AKAP8L: variants seen among roughly 807,000 people sequenced by gnomAD.
The protein encoded by AKAP8L is A-kinase anchoring protein 8 like.
In AKAP8L, 34 loss-of-function variants were observed where a neutral mutation model predicts 77.5. That is an observed-to-expected ratio of 0.44 (90% CI 0.33 to 0.58). The LOEUF (loss-of-function observed/expected upper bound fraction) is 0.58, where lower values mean the gene tolerates loss of function less well. Ranked by LOEUF, AKAP8L falls within the 20% of genes least tolerant of loss-of-function variation. The probability of loss-of-function intolerance (pLI) is 0.02; values close to 1 mark genes in which losing one functional copy is unlikely to be tolerated. For synonymous variants in AKAP8L, 342 were observed against 340.7 expected (o/e 1.00, Z -0.04); for missense variants, 806 against 887.6 (o/e 0.91, Z 1.17).
rs190950409 is a variant in AKAP8L, at chr19:15,403,671, T to C, written c.166A>G (p.Thr56Ala). 2.0e-3 allele frequency: 3,220 copies of C among 1,610,860 alleles called. 1 individual carries two copies. Among genetic ancestry groups the C allele is most frequent in the Admixed American group, 2.6e-3 (152 of 59,246 alleles). ...GYGYGYGQDN[T>A]TNYGYGMATS... ...GCCATACCATACCCATAGTTGGTGG[T>C]GTTATCCTGGCCATAGCCATAGCCA... Residue 56 changes from threonine to alanine, a missense_variant, in exon 4 of 14, where the codon ACC becomes GCC. Around this residue, in one of 2 missense-constraint regions of AKAP8L, gnomAD observed 580 missense variants for 694.1 expected, o/e 0.84. Transcript: ENST00000397410. This position sits in a 1 kb window ranked among gnomAD's most constrained non-coding sequence, Gnocchi z 4.3.
chr19:15,413,893 T>C (rs999646243), intron 1 of AKAP8L, among the ~76,000 whole-genome samples: 5 of 152,102 alleles, frequency 3.3e-5, no homozygotes, highest in South Asian at 2.1e-4. Flanking sequence ...GCCCTGGTGC[T>C]TCCCTAGGAA....
chr19:15,410,431 G>T, intron 2 of AKAP8L, 89 bp downstream of exon 2: 1 of 1,136,466 alleles, frequency 8.8e-7, no homozygotes, highest in South Asian at 1.4e-5. Flanking sequence ...AAAAAAGCAT[G>T]ACAGGGTGAC....
chr19:15,405,921 C>CA lies in AKAP8L; in HGVS notation c.89-1880dup, dbSNP rs895060148. Among the ~76,000 whole-genome samples the CA allele has an allele frequency of 4.8e-3, 634 of 133,194 alleles. 6 individuals carry two copies. The highest frequency in any genetic ancestry group is 0.015 in the African/African-American group (551 of 36,122). 87.4% of individuals were successfully genotyped at this position (133,194 alleles called of 152,430 possible). ...TAGGCGACCGAGCGAGACTCTGTCT[C>CA]AAAAAAAAAAAGAAAGAAAAGAAAA... On this transcript the variant is annotated intron_variant, in intron 2 of 13. Coordinates refer to ENST00000397410, the MANE Select transcript of AKAP8L (RefSeq NM_014371.4).
At chr19:15,406,373 G>GAGAC (rs1242899512) in intron 2 of AKAP8L, among the ~76,000 whole-genome samples, 1 of 144,248 alleles carries the variant, frequency 6.9e-6, no homozygotes, top group Non-Finnish European at 1.5e-5. Flanking sequence ...GAGAGAGAGA[G>GAGAC]AGAGAGAGAG....
At chr19:15,400,455 T>C in intron 7 of AKAP8L, 97 bp from the exon 8 acceptor site, 1 of 1,253,418 alleles carries the variant, frequency 8.0e-7, no homozygotes, top group South Asian at 1.3e-5. Context: ...GTAAAACAGC[T>C]GCTTGCTCCA....
At chr19:15,395,175 A>G (rs919916208) in intron 12 of AKAP8L, among the ~76,000 whole-genome samples, 1 of 151,034 alleles carries the variant, frequency 6.6e-6, no homozygotes, top group African/African-American at 2.4e-5. Flanking sequence ...GACTACATGC[A>G]CCTGCCACCA....
Position 15,401,788 on chromosome 19 carries a change from A to C in AKAP8L, c.363-185T>G, listed in dbSNP as rs1019844640. ...GCTGATATAGGGGCACCACTGCCCC[A>C]AACTTGAATGTAGCCACACACTGGC... On this transcript the variant is annotated intron_variant, in intron 4 of 13. Transcript: ENST00000397410. The surrounding 1 kb of genome is among the most constrained non-coding windows in gnomAD (Gnocchi z 6.2). 2.0e-5 allele frequency among the ~76,000 whole-genome samples: 3 copies of C among 152,232 alleles called. No homozygotes were observed. Among genetic ancestry groups the C allele is most frequent in the African/African-American group, 7.2e-5 (3 of 41,464 alleles).
In AKAP8L at chr19:15,380,418, A is replaced by C. The variant is rs1391516119; in HGVS notation, c.1645T>G (p.Phe549Val). The part of the protein sequence containing the change: ...LERYLKGENP[F>V]TDSPEEEKEQ... ...TTCTCCTCCTCGGGGCTGTCGGTGA[A>C]AGGGTTCTCGCCCTGTGGGGAGGGG... Residue 549 changes from phenylalanine (F) to valine (V), a missense_variant, in exon 14 of 14, where the codon TTC becomes GTC. Phe to Val is a conservative substitution (Grantham distance 50). Coordinates refer to ENST00000397410, the MANE Select transcript of AKAP8L (RefSeq NM_014371.4). The C allele has an allele frequency of 1.3e-5, 21 of 1,602,670 alleles. No homozygotes were observed. Among genetic ancestry groups the C allele is most frequent in the Non-Finnish European group, 1.7e-5 (20 of 1,175,578 alleles).
intron 13 of AKAP8L, 31 bp from the exon 14 acceptor site, chr19:15,380,461 G>A: frequency 6.2e-7 from 1 of 1,612,054 alleles, no homozygotes; most frequent in East Asian, 2.2e-5. Context: ...ACTGAAGGGA[G>A]GGAGCACAGG....
In AKAP8L at chr19:15,418,954, C is replaced by G; in HGVS notation, c.-31G>C. ...CGGGCAACACAACATCCGACGACGC[C>G]GGCTTCTGCTGCTCTGAACATCCGA... On this transcript the variant is annotated 5_prime_UTR_variant, in exon 1 of 14. Coordinates refer to ENST00000397410, the MANE Select transcript of AKAP8L (RefSeq NM_014371.4). 1.9e-6 allele frequency: 3 copies of G among 1,604,288 alleles called. No homozygotes were observed. The highest frequency in any genetic ancestry group is 1.7e-4 in the Middle Eastern group (1 of 6,052).
chr19:15,403,997 G>C lies in AKAP8L; in HGVS notation c.121+13C>G. On this transcript the variant is annotated intron_variant, in intron 3 of 13. Transcript: ENST00000397410. This position sits in a 1 kb window ranked among gnomAD's most constrained non-coding sequence, Gnocchi z 4.3. Reference sequence around the variant, plus strand: ...CCAAGGGACAGGACAGCAATCACAGGAATGACACTTGCCTCTATTTGTCCC... The same window carrying C: ...CCAAGGGACAGGACAGCAATCACAGCAATGACACTTGCCTCTATTTGTCCC... 1 of 1,613,760 alleles carries C rather than the reference G, an allele frequency of 6.2e-7. No individual in the cohort carries two copies. The highest frequency in any genetic ancestry group is 8.5e-7 in the Non-Finnish European group (1 of 1,179,764).
rs1301860793 is a variant in AKAP8L at position 15,380,083 on chromosome 19, A to AGCTTCGGCCACGCGG, written c.*24_*38dup. ...GAAAACTTTATTAGGTTTGGTTTCC[A>AGCTTCGGCCACGCGG]GCTTCGGCCACGCGGGCTCCGCCCG... is the stretch of plus-strand genomic sequence containing the variant. On this transcript the variant is annotated 3_prime_UTR_variant, in exon 14 of 14. Coordinates refer to ENST00000397410, the MANE Select transcript of AKAP8L (RefSeq NM_014371.4). The AGCTTCGGCCACGCGG allele has an allele frequency of 6.9e-7, 1 of 1,443,344 alleles. No individual in the cohort carries two copies. The highest frequency in any genetic ancestry group is 9.0e-7 in the Non-Finnish European group (1 of 1,110,668). 89.4% of individuals were successfully genotyped at this position (1,443,344 alleles called of 1,614,324 possible). A position where few individuals can be genotyped will look rare whatever the true frequency, so the allele number is the denominator to read the frequency against.
intron 8 of AKAP8L, chr19:15,400,040 C>T (rs1434127144): frequency 5.4e-6 from 3 of 559,438 alleles, no homozygotes; most frequent in Non-Finnish European, 9.5e-6. Flanking sequence ...TTACTAGCTG[C>T]CCCCATCTGA....
chr19:15,390,698 T>G (rs1001965290), intron 12 of AKAP8L, among the ~76,000 whole-genome samples: 3 of 152,130 alleles, frequency 2.0e-5, no homozygotes, highest in Non-Finnish European at 4.4e-5. Context: ...AAAACCAATC[T>G]AATATATAAA....
chr19:15,397,307 C>G lies in AKAP8L; in HGVS notation c.1406-27G>C. ...TGTAGTGGGGAGGAGGGAGTCACCA[C>G]TGGGCCCAGGTGCCTAAGATAGACC... On this transcript the variant is annotated intron_variant, in intron 11 of 13. Transcript: ENST00000397410. The surrounding 1 kb of genome is among the most constrained non-coding windows in gnomAD (Gnocchi z 4.7). The G allele has an allele frequency of 6.2e-7, 1 of 1,613,376 alleles. No homozygotes were observed. The highest frequency in any genetic ancestry group is 1.3e-5 in the African/African-American group (1 of 75,032).
intron 2 of AKAP8L, among the ~76,000 whole-genome samples, chr19:15,407,153 G>A (rs920861040): frequency 3.9e-5 from 6 of 152,148 alleles, no homozygotes; most frequent in African/African-American, 1.4e-4. Flanking sequence ...TTATGCAGGA[G>A]GCTGAGGTGG....
chr19:15,384,917 C>A (rs956500192), intron 12 of AKAP8L, among the ~76,000 whole-genome samples: 1 of 151,602 alleles, frequency 6.6e-6, no homozygotes, highest in Non-Finnish European at 1.5e-5. Context: ...GTCGCCCAGG[C>A]TGGAGTGCAG....
At chr19:15,414,533 G>T (rs541516504) in intron 1 of AKAP8L, among the ~76,000 whole-genome samples, 2 of 152,024 alleles carry the variant, frequency 1.3e-5, no homozygotes, top group South Asian at 4.1e-4. Flanking sequence ...CTGTCGCCCA[G>T]GCTGGAGTGC....
In AKAP8L at chr19:15,397,975, G is replaced by C; in HGVS notation, c.1158-120C>G. 2 of 1,281,784 alleles carry C rather than the reference G, an allele frequency of 1.6e-6. No individual in the cohort carries two copies. Among genetic ancestry groups the C allele is most frequent in the Non-Finnish European group, 2.1e-6 (2 of 932,418 alleles). 79.4% of individuals were successfully genotyped at this position (1,281,784 alleles called of 1,614,324 possible). On this transcript the variant is annotated intron_variant, in intron 9 of 13. Transcript: ENST00000397410. This position sits in a 1 kb window ranked among gnomAD's most constrained non-coding sequence, Gnocchi z 4.7. Reference sequence around the variant, plus strand: ...CCTTGCTCACGGGCCTCTGAAGTACGGTCCCAGCAGAGGGACAGGCTGGGA... The same window carrying C: ...CCTTGCTCACGGGCCTCTGAAGTACCGTCCCAGCAGAGGGACAGGCTGGGA...
Sources: gnomAD v4.1 joint callset for allele counts (sites outside exome capture counted in the v4.1 genomes callset) on GRCh38, gnomAD v4.1.1 for gene constraint, gnomAD v4.1.1 regional missense constraint, Gnocchi (gnomAD v3.1) non-coding constraint, MANE v1.5 for transcripts, NCBI Gene and HGNC (gene_info 2026-07-23, HGNC 2026-07-21) for gene names.